The following PLXDC2 variants were observed in gnomAD, a reference collection of about 807,000 sequenced individuals.
The protein encoded by PLXDC2 is plexin domain-containing protein 2.
Under a neutral mutation model 68.9 loss-of-function variants are expected in PLXDC2, and 40 were observed. That is an observed-to-expected ratio of 0.58 (90% CI 0.45 to 0.76). The LOEUF is 0.76. PLXDC2 is among the 30% of genes least tolerant of loss of function. The probability of loss-of-function intolerance (pLI) is 0.00; values close to 1 mark genes in which losing one functional copy is unlikely to be tolerated. For synonymous variants in PLXDC2, 243 were observed against 234.2 expected, an observed-to-expected ratio of 1.04 and a Z score of -0.34; for missense variants, 644 against 661.9, an observed-to-expected ratio of 0.97 and a Z score of 0.30.
chr10:20,017,084 G>A (rs1041469783), intron 2 of PLXDC2, among the ~76,000 whole-genome samples: 1 of 152,220 alleles, frequency 6.6e-6, no homozygotes, highest in Non-Finnish European at 1.5e-5. Context: ...TGGAGAAAGA[G>A]AGAGGCAGAG....
intron 4 of PLXDC2, among the ~76,000 whole-genome samples, chr10:20,123,436 A>G (rs1390384684): frequency 2.6e-5 from 4 of 152,174 alleles, no homozygotes; most frequent in Non-Finnish European, 5.9e-5. Flanking sequence ...AACAAGAATT[A>G]TTTAGATCTT....
chr10:20,288,395 T>C lies in PLXDC2; in HGVS notation c.*8576T>C, dbSNP rs577486617. Reference sequence around the variant, plus strand: ...GGAGAAATTCCAAGCCTGCATTCTGTCATGCTAAAATAACCAGCCCATACT... The same window carrying C: ...GGAGAAATTCCAAGCCTGCATTCTGCCATGCTAAAATAACCAGCCCATACT... On this transcript the variant is annotated 3_prime_UTR_variant, in exon 14 of 14. Coordinates refer to ENST00000377252, the MANE Select transcript of PLXDC2 (RefSeq NM_032812.9). 2.0e-5 allele frequency: 3 copies of C among 152,148 alleles called. No individual in the cohort carries two copies. Among genetic ancestry groups the C allele is most frequent in the Non-Finnish European group, 4.4e-5 (3 of 68,000 alleles). The allele number at this position is 152,148 out of a possible 1,614,324, so 9.4% of individuals were successfully genotyped here. A position where few individuals can be genotyped will look rare whatever the true frequency, so the allele number is the denominator to read the frequency against.
chr10:20,167,757 G>C (rs959668944), intron 7 of PLXDC2, among the ~76,000 whole-genome samples: 2 of 152,190 alleles, frequency 1.3e-5, no homozygotes, highest in Non-Finnish European at 2.9e-5. Context: ...GGGAACATGG[G>C]AATGTGAGCT....
chr10:20,001,244 G>T (rs374070358), intron 1 of PLXDC2, among the ~76,000 whole-genome samples: 24 of 152,290 alleles, frequency 1.6e-4, no homozygotes, highest in African/African-American at 4.6e-4. Flanking sequence ...CTACAAGGTA[G>T]TTTCGCCCAT....
rs150686185 is a variant in PLXDC2, at chr10:20,208,755, G to A, written c.1062-2914G>A. Among the ~76,000 whole-genome samples, 165 of 152,138 alleles carry A rather than the reference G, an allele frequency of 1.1e-3. 1 individual carries two copies. Among genetic ancestry groups the A allele is most frequent in the South Asian group, 2.1e-4 (1 of 4,820 alleles). On this transcript the variant is annotated intron_variant, in intron 9 of 13. Transcript: ENST00000377252. ...CAGATATCGGGTGAAATTCACCCCCGATATTTCATGTAGGTACTTTTATAT... is the reference window on the plus strand; with the variant it reads ...CAGATATCGGGTGAAATTCACCCCCAATATTTCATGTAGGTACTTTTATAT...
At chr10:20,124,486 G>T (rs1461625250) in intron 4 of PLXDC2, among the ~76,000 whole-genome samples, 2 of 152,118 alleles carry the variant, frequency 1.3e-5, no homozygotes, top group African/African-American at 2.4e-5. Flanking sequence ...GAGGACAGGG[G>T]TTGATCTCTC....
intron 4 of PLXDC2, among the ~76,000 whole-genome samples, chr10:20,133,803 C>T (rs1281320104): frequency 6.6e-6 from 1 of 152,110 alleles, no homozygotes; most frequent in Non-Finnish European, 1.5e-5. Flanking sequence ...TTTGCCTTTT[C>T]TCTTTCTCTG....
chr10:20,239,822 A>C (rs1228501839), intron 12 of PLXDC2, among the ~76,000 whole-genome samples: 2 of 152,218 alleles, frequency 1.3e-5, no homozygotes, highest in Non-Finnish European at 2.9e-5. Flanking sequence ...GAGGGAAATG[A>C]GCATACTCAA....
intron 1 of PLXDC2, among the ~76,000 whole-genome samples, chr10:19,971,371 C>T (rs921361517): frequency 7.2e-5 from 11 of 152,180 alleles, no homozygotes; most frequent in East Asian, 1.9e-4. Context: ...TATCACATAG[C>T]TCAGTTCCTT....
intron 1 of PLXDC2, among the ~76,000 whole-genome samples, chr10:19,826,245 C>A (rs1179014472): frequency 6.6e-6 from 1 of 152,118 alleles, no homozygotes; most frequent in African/African-American, 2.4e-5. Context: ...GTCCATAATT[C>A]TTTCAAGAAT....
At chr10:20,195,988 T>G (rs1834832332) in intron 9 of PLXDC2, among the ~76,000 whole-genome samples, 1 of 152,126 alleles carries the variant, frequency 6.6e-6, no homozygotes, top group South Asian at 2.1e-4. Flanking sequence ...TTTTCCCCCT[T>G]TATGCATGTA....
At chr10:19,974,297 G>T (rs1334183424) in intron 1 of PLXDC2, among the ~76,000 whole-genome samples, 2 of 152,210 alleles carry the variant, frequency 1.3e-5, no homozygotes, top group African/African-American at 4.8e-5. Context: ...ACTTATTGCT[G>T]GATCCTCATT....
chr10:20,100,002 A>C (rs1211417518), intron 4 of PLXDC2, among the ~76,000 whole-genome samples: 2 of 152,212 alleles, frequency 1.3e-5, no homozygotes, highest in African/African-American at 4.8e-5. Flanking sequence ...TCAAAAATTG[A>C]ATTAATTGAA....
At chr10:20,208,548 A>C (rs565567552) in intron 9 of PLXDC2, among the ~76,000 whole-genome samples, 1 of 152,318 alleles carries the variant, frequency 6.6e-6, no homozygotes, top group South Asian at 2.1e-4. Flanking sequence ...TTATATGTTA[A>C]CATTCAGGGG....
intron 1 of PLXDC2, among the ~76,000 whole-genome samples, chr10:19,907,956 G>T (rs1253945368): frequency 6.6e-6 from 1 of 152,100 alleles, no homozygotes; most frequent in South Asian, 2.1e-4. Context: ...ACCAGCTACT[G>T]AATCTCATGC....
chr10:20,051,501 T>C lies in PLXDC2; in HGVS notation c.471+4486T>C, dbSNP rs114455333. Among the ~76,000 whole-genome samples the C allele has an allele frequency of 9.9e-3, 1,477 of 149,298 alleles. 30 individuals are homozygous for C. The highest frequency in any genetic ancestry group is 0.035 in the African/African-American group (1,418 of 40,872). ...CAATATACACTTAGGGTTGGATTCA[T>C]TGTTAATGACAGTGGAGGTATAAAC... On this transcript the variant is annotated intron_variant, in intron 3 of 13. Coordinates refer to ENST00000377252, the MANE Select transcript of PLXDC2 (RefSeq NM_032812.9).
intron 1 of PLXDC2, among the ~76,000 whole-genome samples, chr10:19,899,084 C>G (rs72785817): frequency 0.046 from 6,927 of 152,156 alleles, 196 homozygotes; most frequent in Middle Eastern, 0.13. Context: ...TCAGGATTTG[C>G]GAAGGGGAAG....
chr10:20,181,854 A>T (rs772351996), intron 9 of PLXDC2, among the ~76,000 whole-genome samples: 5 of 151,990 alleles, frequency 3.3e-5, no homozygotes, highest in Non-Finnish European at 5.9e-5. Context: ...TTACCATATT[A>T]AAAAAATGGA....
chr10:20,234,886 A>G (rs1835413637), intron 12 of PLXDC2, among the ~76,000 whole-genome samples: 1 of 152,048 alleles, frequency 6.6e-6, no homozygotes, highest in Non-Finnish European at 1.5e-5. Flanking sequence ...CAGCAACTAA[A>G]TGAATCCCTG....
Sources: allele counts gnomAD v4.1 joint callset (sites outside exome capture counted in the v4.1 genomes callset), GRCh38; gene constraint gnomAD v4.1.1; transcripts MANE v1.5; gene names NCBI Gene and HGNC (gene_info 2026-07-23, HGNC 2026-07-21).